Variants in EYS observed in about 807,000 individuals in gnomAD.
EYS encodes the protein protein eyes shut homolog.
In EYS, 250 loss-of-function variants were observed where a neutral mutation model predicts 282.1. The ratio of observed to expected loss-of-function variants is 0.89; its 90% CI spans 0.80 to 0.98. The LOEUF is 0.98. EYS is among the 50% of genes least tolerant of loss of function. The probability of loss-of-function intolerance (pLI) is 0.00; values close to 1 mark genes in which losing one functional copy is unlikely to be tolerated. For synonymous variants in EYS, 1,355 were observed against 1,282.9 expected (o/e 1.06, Z -1.20); for missense variants, 4,016 against 3,709.0 (o/e 1.08, Z -2.15).
intron 1 of EYS, among the ~76,000 whole-genome samples, chr6:65,704,187 T>A (rs1401957480): frequency 1.3e-5 from 2 of 152,226 alleles, no homozygotes; most frequent in Non-Finnish European, 2.9e-5. Flanking sequence ...TAACTCATAA[T>A]CCTTAATATG....
At chr6:64,336,133 T>C (rs1770843482) in intron 29 of EYS, among the ~76,000 whole-genome samples, 1 of 152,176 alleles carries the variant, frequency 6.6e-6, no homozygotes, top group African/African-American at 2.4e-5. Flanking sequence ...GTACCTCACA[T>C]CTCAATACTA....
chr6:65,058,631 T>C (rs1773484585), intron 12 of EYS, among the ~76,000 whole-genome samples: 1 of 150,898 alleles, frequency 6.6e-6, no homozygotes, highest in South Asian at 2.1e-4. Context: ...AGAAAACAAA[T>C]AAATGTCCAT....
At chr6:64,586,424 A>G (rs762876683) in intron 26 of EYS, among the ~76,000 whole-genome samples, 1 of 152,130 alleles carries the variant, frequency 6.6e-6, no homozygotes, top group Non-Finnish European at 1.5e-5. Context: ...ATGTACATGT[A>G]TACATAAGGC....
chr6:64,715,082 T>C (rs1303632927), intron 22 of EYS, among the ~76,000 whole-genome samples: 1 of 152,082 alleles, frequency 6.6e-6, no homozygotes, highest in African/African-American at 2.4e-5. Flanking sequence ...TATTTATCCA[T>C]GGACTGGGGG....
intron 8 of EYS, among the ~76,000 whole-genome samples, chr6:65,373,749 T>C (rs1189256824): frequency 6.6e-6 from 1 of 152,182 alleles, no homozygotes; most frequent in Non-Finnish European, 1.5e-5. Flanking sequence ...GTTGTTTAAT[T>C]TGATTAATTT....
In EYS at chr6:64,998,748, G is replaced by A. The variant is rs183833928; in HGVS notation, c.2138-1045C>T. 1.5e-3 allele frequency among the ~76,000 whole-genome samples: 224 copies of A among 152,270 alleles called. 2 individuals are homozygous for A. Among genetic ancestry groups the A allele is most frequent in the African/African-American group, 5.0e-3 (207 of 41,560 alleles). The stretch of plus-strand genomic sequence containing the variant: ...TGTAAATGAATTAATGTGATAAAAT[G>A]TCAGTCTGTGCTTCTATGTTACACA... On this transcript the variant is annotated intron_variant, in intron 13 of 42. Transcript: ENST00000503581.
At chr6:65,043,875 T>G (rs1420280181) in intron 13 of EYS, among the ~76,000 whole-genome samples, 1 of 151,732 alleles carries the variant, frequency 6.6e-6, no homozygotes, top group African/African-American at 2.4e-5. Context: ...ACATACAGAT[T>G]TCACATCCTT....
At chr6:64,896,923 A>G (rs1483384793) in intron 18 of EYS, among the ~76,000 whole-genome samples, 1 of 152,154 alleles carries the variant, frequency 6.6e-6, no homozygotes, top group Non-Finnish European at 1.5e-5. Context: ...CTCTCTGGGC[A>G]GGGCATCTCT....
chr6:64,454,988 T>C (rs1775506452), intron 26 of EYS, among the ~76,000 whole-genome samples: 1 of 152,210 alleles, frequency 6.6e-6, no homozygotes, highest in Non-Finnish European at 1.5e-5. Context: ...AAATATTTTA[T>C]AACATATATT....
At chr6:65,028,536 T>C (rs189964688) in intron 13 of EYS, among the ~76,000 whole-genome samples, 2 of 152,042 alleles carry the variant, frequency 1.3e-5, no homozygotes, top group South Asian at 4.1e-4. Context: ...AGATTTTTAG[T>C]ATAGTTTTCA....
intron 31 of EYS, among the ~76,000 whole-genome samples, chr6:64,117,056 T>C (rs1000389285): frequency 1.3e-5 from 2 of 152,076 alleles, no homozygotes; most frequent in African/African-American, 4.8e-5. Flanking sequence ...AATTACAATT[T>C]AGACCAACTG....
intron 14 of EYS, among the ~76,000 whole-genome samples, chr6:64,978,056 TGAA>T (rs1770531231): frequency 6.6e-6 from 1 of 151,976 alleles, no homozygotes; most frequent in African/African-American, 2.4e-5. Flanking sequence ...AGATGATTGA[TGAA>T]GGTGACTACA....
rs1366552336 is a variant in EYS at position 63,789,228 on chromosome 6, G to T, written c.7412-4C>A. 6.4e-7 allele frequency: 1 copy of T among 1,550,932 alleles called. No individual in the cohort carries two copies. The highest frequency in any genetic ancestry group is 2.0e-5 in the Admixed American group (1 of 50,958). On this transcript the variant is annotated splice_polypyrimidine_tract_variant and splice_region_variant and intron_variant, in intron 37 of 42. Coordinates refer to ENST00000503581, the MANE Select transcript of EYS (RefSeq NM_001142800.2). ...AGGAAGTCATCGCCATTCAACCCTG[G>T]AATGAGAAGACACATGGGGAATGCT...
chr6:64,397,029 A>C (rs1393396546), intron 28 of EYS, among the ~76,000 whole-genome samples: 1 of 152,008 alleles, frequency 6.6e-6, no homozygotes, highest in Non-Finnish European at 1.5e-5. Context: ...CCTAATGCTA[A>C]CGCCTTATAA....
chr6:65,385,172 C>G (rs1216163150), intron 7 of EYS, among the ~76,000 whole-genome samples: 2 of 151,650 alleles, frequency 1.3e-5, no homozygotes, highest in Non-Finnish European at 2.9e-5. Context: ...ATAAATGGGA[C>G]CCCAAATGAA....
intron 19 of EYS, among the ~76,000 whole-genome samples, chr6:64,883,675 C>T (rs1460017870): frequency 5.3e-5 from 8 of 151,330 alleles, no homozygotes; most frequent in African/African-American, 2.4e-5. Flanking sequence ...AACTCAAATT[C>T]GTAAGCCAAT....
chr6:65,460,030 TA>T (rs1764771031), intron 5 of EYS, among the ~76,000 whole-genome samples: 1 of 136,816 alleles, frequency 7.3e-6, no homozygotes, highest in Admixed American at 7.6e-5. Flanking sequence ...TGTATTAATA[TA>T]ATATATATCA....
In EYS at chr6:63,926,816, C is replaced by T. The variant is rs186971972; in HGVS notation, c.7055+57567G>A. 7.9e-5 allele frequency among the ~76,000 whole-genome samples: 12 copies of T among 152,294 alleles called. No individual in the cohort carries two copies. In the East Asian group the frequency reaches 1.5e-3, roughly 20 times the overall value. Reference sequence around the variant, plus strand: ...TTACTTATTGCTGTCATTACTATTACGTACAAATTAACAATAATGACCTGC... The same window carrying T: ...TTACTTATTGCTGTCATTACTATTATGTACAAATTAACAATAATGACCTGC... On this transcript the variant is annotated intron_variant, in intron 35 of 42. Transcript: ENST00000503581.
intron 2 of EYS, among the ~76,000 whole-genome samples, chr6:65,555,464 G>A (rs887202553): frequency 5.3e-5 from 8 of 151,562 alleles, no homozygotes; most frequent in Middle Eastern, 3.3e-3. Flanking sequence ...ATATTACTTA[G>A]CAATATACTT....
Sources: gnomAD v4.1 joint callset for allele counts (sites outside exome capture counted in the v4.1 genomes callset) on GRCh38, gnomAD v4.1.1 for gene constraint, MANE v1.5 for transcripts, NCBI Gene and HGNC (gene_info 2026-07-23, HGNC 2026-07-21) for gene names.